CHD5: variants seen among roughly 807,000 people sequenced by gnomAD.
CHD5 encodes chromodomain helicase DNA binding protein 5.
In CHD5, 69 loss-of-function variants were observed where a neutral mutation model predicts 230.3. The ratio of observed to expected loss-of-function variants is 0.30; its 90% CI spans 0.25 to 0.37. The LOEUF (loss-of-function observed/expected upper bound fraction) is 0.37, where lower values mean the gene tolerates loss of function less well. CHD5 is among the 10% of genes least tolerant of loss of function. CHD5 has a pLI of 1.00. For synonymous variants in CHD5, 1,064 were observed against 1,065.9 expected, an observed-to-expected ratio of 1.00 and a Z score of 0.03; for missense variants, 1,827 against 2,622.8, an observed-to-expected ratio of 0.70 and a Z score of 6.63.
chr1:6,147,829 A>G (rs1340336666), intron 9 of CHD5, among the ~76,000 whole-genome samples: 1 of 152,128 alleles, frequency 6.6e-6, no homozygotes, highest in Admixed American at 6.5e-5. Flanking sequence ...TGGTGACAGC[A>G]AAGGCCGAGA....
chr1:6,149,571 G>A (rs1021099063), intron 7 of CHD5, among the ~76,000 whole-genome samples, 159 bp from the exon 8 acceptor site: 1 of 152,110 alleles, frequency 6.6e-6, no homozygotes, highest in Non-Finnish European at 1.5e-5. Context: ...GTGGTAAAAG[G>A]GTGAGGAGAT....
In CHD5 at chr1:6,121,012, T is replaced by G; in HGVS notation, c.4912+93A>C. 1 of 1,365,900 alleles carries G rather than the reference T, an allele frequency of 7.3e-7. No homozygotes were observed. The allele number at this position is 1,365,900 out of a possible 1,614,324, so 84.6% of individuals were successfully genotyped here. A position where few individuals can be genotyped will look rare whatever the true frequency, so the allele number is the denominator to read the frequency against. Reference sequence around the variant, plus strand: ...AGTCTACCTCTCTGCCAGGGAGAAATGAGCGGAAGTACAGCCACCTGCCCT... The same window carrying G: ...AGTCTACCTCTCTGCCAGGGAGAAAGGAGCGGAAGTACAGCCACCTGCCCT... On this transcript the variant is annotated intron_variant, in intron 33 of 41. Transcript: ENST00000262450. This position sits in a 1 kb window ranked among gnomAD's most constrained non-coding sequence, Gnocchi z 4.5.
chr1:6,127,488 G>GA lies in CHD5; in HGVS notation c.3903+557dup, dbSNP rs60445684. Among the ~76,000 whole-genome samples, 111 of 141,016 alleles carry GA rather than the reference G, an allele frequency of 7.9e-4. 1 individual carries two copies. Among genetic ancestry groups the GA allele is most frequent in the Middle Eastern group, 3.8e-3 (1 of 264 alleles). 92.5% of individuals were successfully genotyped at this position (141,016 alleles called of 152,430 possible). ...GCGACAGAGCGAGACTCCATTTCAA[G>GA]AAAAAAAAAAAAAGAAAATTGTGGG... On this transcript the variant is annotated intron_variant, in intron 25 of 41. Transcript: ENST00000262450.
At position 6,126,481 on chromosome 1, in the gene CHD5, C is replaced by CG. The variant is rs778783197; in HGVS notation, c.4078+90dup. The CG allele has an allele frequency of 1.6e-5, 12 of 771,502 alleles. No individual in the cohort carries two copies. The highest frequency in any genetic ancestry group is 2.7e-5 in the Non-Finnish European group (12 of 444,196). The allele number at this position is 771,502 out of a possible 1,614,324, so 47.8% of individuals were successfully genotyped here. On this transcript the variant is annotated intron_variant, in intron 26 of 41. Coordinates refer to ENST00000262450, the MANE Select transcript of CHD5 (RefSeq NM_015557.3). The surrounding 1 kb of genome is among the most constrained non-coding windows in gnomAD (Gnocchi z 5.7). ...CCCAGCTCTCCCGGCCCGCACCTCC[C>CG]GGGGGTTCTGCACAGGGATGCCCTG...
In CHD5 at chr1:6,134,088, G is replaced by A; in HGVS notation, c.3144+40C>T. ...GCATCAGGGCAGGATGCTCTCTGTG[G>A]GGTGTGGAGCCGGGGCGGGGGTGGG... On this transcript the variant is annotated intron_variant, in intron 20 of 41. Transcript: ENST00000262450. This position sits in a 1 kb window ranked among gnomAD's most constrained non-coding sequence, Gnocchi z 6.3. 6.3e-7 allele frequency: 1 copy of A among 1,598,150 alleles called. No individual in the cohort carries two copies. Among genetic ancestry groups the A allele is most frequent in the Non-Finnish European group, 8.5e-7 (1 of 1,174,208 alleles).
At chr1:6,114,825 C>G (rs952401952) in intron 33 of CHD5, among the ~76,000 whole-genome samples, 35 of 152,126 alleles carry the variant, frequency 2.3e-4, no homozygotes, top group African/African-American at 8.2e-4. Flanking sequence ...ACCAGCCTGA[C>G]CAACATGGTG....
rs569732010 is a variant in CHD5, at chr1:6,127,977, G to C, written c.3903+69C>G. 9.8e-5 allele frequency: 131 copies of C among 1,339,362 alleles called. 1 individual carries two copies. In the African/African-American group the frequency reaches 1.7e-3, roughly 18 times the overall value. The allele number at this position is 1,339,362 out of a possible 1,614,324, so 83.0% of individuals were successfully genotyped here. ...GGGCGGGGTCACAGTGGAAGGCGTG[G>C]ACACAGTGGGGGGCGGGGCTGCGGA... On this transcript the variant is annotated intron_variant, in intron 25 of 41. Transcript: ENST00000262450.
At chr1:6,159,230 C>A in intron 3 of CHD5, 106 bp downstream of exon 3, 1 of 412,252 alleles carries the variant, frequency 2.4e-6, no homozygotes, top group Non-Finnish European at 2.9e-6. Context: ...GACTCCATCA[C>A]ACACACACAC....
chr1:6,147,864 G>A (rs554472182), intron 9 of CHD5, among the ~76,000 whole-genome samples: 2 of 152,234 alleles, frequency 1.3e-5, no homozygotes, highest in African/African-American at 4.8e-5. Flanking sequence ...AGGAGGACAT[G>A]GGAGGCAGGA....
Position 6,134,632 on chromosome 1 carries a change from AGCGGCCACAGGGACCTACCATG to A in CHD5, c.3012+64_3012+85del, listed in dbSNP as rs890072387. The A allele has an allele frequency of 3.2e-5, 44 of 1,361,004 alleles. 1 individual carries two copies. Among genetic ancestry groups the A allele is most frequent in the African/African-American group, 1.0e-4 (7 of 69,662 alleles). The allele number at this position is 1,361,004 out of a possible 1,614,324, so 84.3% of individuals were successfully genotyped here. A position where few individuals can be genotyped will look rare whatever the true frequency, so the allele number is the denominator to read the frequency against. ...CACAATGGCCAGGAGAACCTATCAC[AGCGGCCACAGGGACCTACCATG>A]GCGGCCACAGGCACCTACCATGGCG... On this transcript the variant is annotated intron_variant, in intron 19 of 41. Transcript: ENST00000262450. The surrounding 1 kb of genome is among the most constrained non-coding windows in gnomAD (Gnocchi z 6.3).
rs112434009 is a variant in CHD5, at chr1:6,153,296, A to C, written c.746-760T>G. Among the ~76,000 whole-genome samples the C allele has an allele frequency of 3.7e-3, 570 of 152,338 alleles. 1 individual carries two copies. The highest frequency in any genetic ancestry group is 0.012 in the African/African-American group (518 of 41,582). On this transcript the variant is annotated intron_variant, in intron 5 of 41. Coordinates refer to ENST00000262450, the MANE Select transcript of CHD5 (RefSeq NM_015557.3). ...TCGATAGCTCAGCAGCTGGAGCGCG[A>C]GAGGAAATGAGAAAACAAGGCAGGC...
rs560390733 is a variant in CHD5, at chr1:6,136,472, A to T, written c.2696+45T>A. On this transcript the variant is annotated intron_variant, in intron 17 of 41. Transcript: ENST00000262450. The stretch of plus-strand genomic sequence containing the variant: ...CTATTGATCCGTCTTCACTGGGGCC[A>T]CCCAGCCCCACCACCACCTCCCTAG... 3.1e-6 allele frequency: 5 copies of T among 1,604,988 alleles called. No homozygotes were observed. The Admixed American group carries it at 8.4e-5, about 27-fold the overall frequency.
chr1:6,138,087 A>G (rs576086690), intron 15 of CHD5, among the ~76,000 whole-genome samples: 20 of 152,336 alleles, frequency 1.3e-4, no homozygotes, highest in African/African-American at 4.6e-4. Context: ...TTTAAAAAGC[A>G]AATTTAGGCC....
chr1:6,173,150 G>C (rs1667365679), intron 1 of CHD5, among the ~76,000 whole-genome samples: 1 of 150,714 alleles, frequency 6.6e-6, no homozygotes, highest in Non-Finnish European at 1.5e-5. Context: ...TGTCACCCAG[G>C]CTGGAGTGCA....
chr1:6,114,496 AT>A (rs1666344378), intron 33 of CHD5, among the ~76,000 whole-genome samples: 1 of 138,628 alleles, frequency 7.2e-6, no homozygotes, highest in Non-Finnish European at 1.6e-5. Context: ...GCTTATATAT[AT>A]ATACACATAA....
Position 6,143,896 on chromosome 1 carries a change from T to C in CHD5, c.1970A>G (p.Lys657Arg). The change falls in exon 13 of 42, where the codon AAG (lysine) becomes AGG (arginine). Residue 657 changes from lysine to arginine, a missense_variant. Transcript: ENST00000262450. ...CTTCTTGCCCTTCTTGAGCAGCCTC[T>C]TGGGCAGCCTGGTGTCTTCTCCCAG... ...LMLGEDTRLPKRLLKKGKKLR... is the reference protein window; with the variant it reads ...LMLGEDTRLPRRLLKKGKKLR... 6.2e-7 allele frequency: 1 copy of C among 1,613,126 alleles called. No individual in the cohort carries two copies. The highest frequency in any genetic ancestry group is 1.1e-5 in the South Asian group (1 of 91,052).
chr1:6,119,169 C>T (rs764994631), intron 33 of CHD5, among the ~76,000 whole-genome samples: 76 of 149,886 alleles, frequency 5.1e-4, no homozygotes, highest in Non-Finnish European at 8.2e-4. Context: ...TTTTTTGAGA[C>T]GGAATCTCGC....
At position 6,142,016 on chromosome 1, in the gene CHD5, G is replaced by T; in HGVS notation, c.2436+112C>A. ...AGGACAAGCCCCTCAGAGCCTGCCG[G>T]CCTCGGTAGCCCTCCCAGGCTGAGG... On this transcript the variant is annotated intron_variant, in intron 15 of 41. Transcript: ENST00000262450. This position sits in a 1 kb window ranked among gnomAD's most constrained non-coding sequence, Gnocchi z 5.2. 1 of 914,332 alleles carries T rather than the reference G, an allele frequency of 1.1e-6. No individual in the cohort carries two copies. The highest frequency in any genetic ancestry group is 1.7e-6 in the Non-Finnish European group (1 of 575,120). 56.6% of individuals were successfully genotyped at this position (914,332 alleles called of 1,614,324 possible). A position where few individuals can be genotyped will look rare whatever the true frequency, so the allele number is the denominator to read the frequency against.
At chr1:6,159,006 C>CAA (rs35569300) in intron 3 of CHD5, among the ~76,000 whole-genome samples, 6,005 of 63,348 alleles carry the variant, frequency 0.095, 430 homozygotes, top group East Asian at 0.22. Context: ...GACTCCGTCT[C>CAA]AAAAAAAAAA....
Sources: allele counts gnomAD v4.1 joint callset (sites outside exome capture counted in the v4.1 genomes callset), GRCh38; gene constraint gnomAD v4.1.1; non-coding constraint Gnocchi (gnomAD v3.1); transcripts MANE v1.5; gene names NCBI Gene and HGNC (gene_info 2026-07-23, HGNC 2026-07-21).